Variants in COL23A1 observed in about 807,000 individuals in gnomAD.
COL23A1 encodes the protein collagen type XXIII alpha 1 chain, also known as collagen alpha-1(XXIII) chain.
A neutral mutation model predicts 99.3 loss-of-function variants in COL23A1; 97 were observed. The ratio of observed to expected loss-of-function variants is 0.98; its 90% CI spans 0.83 to 1.16. The LOEUF is 1.16. COL23A1 is among the 50% of genes most tolerant of loss of function. The pLI, the probability that COL23A1 is intolerant of heterozygous loss-of-function variation, is 0.00. For missense variants in COL23A1, 762 were observed against 757.4 expected, an observed-to-expected ratio of 1.01 and a Z score of -0.07; for synonymous variants, 320 against 308.2, an observed-to-expected ratio of 1.04 and a Z score of -0.40.
Position 178,255,045 on chromosome 5 carries a change from TA to T in COL23A1, c.883-20del. 2 of 1,605,130 alleles carry T rather than the reference TA, an allele frequency of 1.2e-6. No individual in the cohort carries two copies. The highest frequency in any genetic ancestry group is 1.7e-6 in the Non-Finnish European group (2 of 1,173,730). ...GGGCACCCTGAGGCAGGAAGAAGAG[TA>T]AGAATTTCAGGGAAGAGCTACACTG... On this transcript the variant is annotated intron_variant, in intron 15 of 28. Coordinates refer to ENST00000390654, the MANE Select transcript of COL23A1 (RefSeq NM_173465.4). The surrounding 1 kb of genome is among the most constrained non-coding windows in gnomAD (Gnocchi z 4.2).
chr5:178,582,206 C>CAAAAAA (rs11315118), intron 1 of COL23A1, among the ~76,000 whole-genome samples: 4 of 31,618 alleles, frequency 1.3e-4, no homozygotes, highest in Admixed American at 7.3e-4. Context: ...GACTCTATCT[C>CAAAAAA]AAAAAAAAAA....
At chr5:178,295,936 TG>T (rs1437025283) in intron 3 of COL23A1, among the ~76,000 whole-genome samples, 1 of 152,224 alleles carries the variant, frequency 6.6e-6, no homozygotes. Context: ...TGCAAGGAAG[TG>T]GTCATCAGGG....
At chr5:178,406,214 TA>T (rs1378526148) in intron 2 of COL23A1, among the ~76,000 whole-genome samples, 4 of 150,702 alleles carry the variant, frequency 2.7e-5, no homozygotes, top group South Asian at 4.2e-4. Context: ...AAGAACAAGA[TA>T]AAAAAAAACC....
intron 2 of COL23A1, among the ~76,000 whole-genome samples, chr5:178,498,318 A>G (rs572180953): frequency 5.2e-4 from 77 of 147,552 alleles, no homozygotes; most frequent in African/African-American, 1.8e-3. Flanking sequence ...TTTACCTTTA[A>G]AGGCATGACT....
intron 2 of COL23A1, among the ~76,000 whole-genome samples, chr5:178,547,605 ACACACCC>A (rs1761692230): frequency 2.2e-4 from 1 of 4,452 alleles, no homozygotes; most frequent in Non-Finnish European, 5.4e-4. Context: ...CCACCCACAC[ACACACCC>A]CCCACACACA....
intron 2 of COL23A1, among the ~76,000 whole-genome samples, chr5:178,358,563 T>C (rs1032764339): frequency 6.9e-6 from 1 of 145,584 alleles, no homozygotes; most frequent in Non-Finnish European, 1.5e-5. Context: ...TGTACGTGTG[T>C]ATGTCTAATG....
chr5:178,267,866 A>G (rs1755992384), intron 7 of COL23A1, among the ~76,000 whole-genome samples: 1 of 152,238 alleles, frequency 6.6e-6, no homozygotes, highest in Non-Finnish European at 1.5e-5. Context: ...CATTGAGACC[A>G]TGACCTCATG....
chr5:178,444,974 A>G (rs774653767), intron 2 of COL23A1, among the ~76,000 whole-genome samples: 1 of 152,208 alleles, frequency 6.6e-6, no homozygotes, highest in Non-Finnish European at 1.5e-5. Context: ...CTGGTACATC[A>G]CGTGTGTTCA....
intron 1 of COL23A1, among the ~76,000 whole-genome samples, chr5:178,561,306 T>C (rs1389532264): frequency 6.6e-6 from 1 of 152,230 alleles, no homozygotes; most frequent in East Asian, 1.9e-4. Context: ...TCCTTTCCTC[T>C]TACCAGTGGG....
At chr5:178,298,350 G>A (rs1473912116) in intron 3 of COL23A1, among the ~76,000 whole-genome samples, 5 of 152,186 alleles carry the variant, frequency 3.3e-5, no homozygotes, top group Non-Finnish European at 7.3e-5. Flanking sequence ...GATCTTGAGA[G>A]TCCCCGATGC....
Position 178,384,842 on chromosome 5 carries a change from T to TA in COL23A1, c.362-77924dup, listed in dbSNP as rs1481563337. ...ATGGCTGTGCCTTTTCCTAAAGCAT[T>TA]AAAAGGTCCGTAACAGAAAAGCGGG... On this transcript the variant is annotated intron_variant, in intron 2 of 28. Coordinates refer to ENST00000390654, the MANE Select transcript of COL23A1 (RefSeq NM_173465.4). The surrounding 1 kb of genome is among the most constrained non-coding windows in gnomAD (Gnocchi z 5.5). Among the ~76,000 whole-genome samples, 2 of 152,038 alleles carry TA rather than the reference T, an allele frequency of 1.3e-5. No homozygotes were observed. The highest frequency in any genetic ancestry group is 3.9e-4 in the East Asian group (2 of 5,158).
At chr5:178,317,379 T>C (rs2162765) in intron 2 of COL23A1, among the ~76,000 whole-genome samples, 25,559 of 152,226 alleles carry the variant, frequency 0.17, 2,956 homozygotes, top group East Asian at 0.58. Context: ...GGCATTAGAA[T>C]TCCCTGAGTT....
intron 2 of COL23A1, among the ~76,000 whole-genome samples, chr5:178,524,598 G>C (rs1246577042): frequency 6.6e-6 from 1 of 152,192 alleles, no homozygotes. Context: ...ACCAGCTCTG[G>C]CCTGTACCAG....
At chr5:178,485,522 C>T (rs1757576023) in intron 2 of COL23A1, among the ~76,000 whole-genome samples, 1 of 151,286 alleles carries the variant, frequency 6.6e-6, no homozygotes, top group Admixed American at 6.6e-5. Flanking sequence ...CCTGTAATCC[C>T]AGCACTTTGG....
chr5:178,273,414 C>G (rs1355587051), intron 5 of COL23A1, among the ~76,000 whole-genome samples: 4 of 152,234 alleles, frequency 2.6e-5, no homozygotes, highest in African/African-American at 9.6e-5. Context: ...GTGTGAGAAG[C>G]CCCGTCCGTG....
chr5:178,541,225 A>G (rs1399603202), intron 2 of COL23A1, among the ~76,000 whole-genome samples: 1 of 152,234 alleles, frequency 6.6e-6, no homozygotes, highest in Non-Finnish European at 1.5e-5. Flanking sequence ...CAGAAAATCC[A>G]AGTGTTGGGG....
At chr5:178,279,229 A>G (rs901033258) in intron 5 of COL23A1, among the ~76,000 whole-genome samples, 38 of 151,942 alleles carry the variant, frequency 2.5e-4, no homozygotes, top group Admixed American at 2.2e-3. Context: ...CTCCTTCCAG[A>G]CTCACGTGTC....
At chr5:178,323,231 T>C (rs1234725170) in intron 2 of COL23A1, among the ~76,000 whole-genome samples, 1 of 152,136 alleles carries the variant, frequency 6.6e-6, no homozygotes, top group Non-Finnish European at 1.5e-5. Flanking sequence ...CTCGCTGGCC[T>C]GTCTCTGGGG....
rs1764179982 is a variant in COL23A1, at chr5:178,589,895, G to A, written c.294+9C>T. 3.1e-6 allele frequency: 4 copies of A among 1,307,048 alleles called. No homozygotes were observed. The highest frequency in any genetic ancestry group is 2.9e-6 in the Non-Finnish European group (3 of 1,033,482). The allele number at this position is 1,307,048 out of a possible 1,614,324, so 81.0% of individuals were successfully genotyped here. On this transcript the variant is annotated intron_variant, in intron 1 of 28. Transcript: ENST00000390654. This position sits in a 1 kb window ranked among gnomAD's most constrained non-coding sequence, Gnocchi z 5.4. Reference sequence around the variant, plus strand: ...CAAGTCCGCCCCAGCCACGCGCCAAGACGCTCACCTCCCGCAGCAGGCGCT... The same window carrying A: ...CAAGTCCGCCCCAGCCACGCGCCAAAACGCTCACCTCCCGCAGCAGGCGCT...
Sources: allele counts gnomAD v4.1 joint callset (sites outside exome capture counted in the v4.1 genomes callset), GRCh38; gene constraint gnomAD v4.1.1; non-coding constraint Gnocchi (gnomAD v3.1); transcripts MANE v1.5; gene names NCBI Gene and HGNC (gene_info 2026-07-23, HGNC 2026-07-21).